KLHL1: variants seen among roughly 807,000 people sequenced by gnomAD.
KLHL1 encodes the protein kelch like family member 1.
KLHL1 carries 47 observed loss-of-function variants against 77.7 expected under a neutral mutation model. The ratio of observed to expected loss-of-function variants is 0.60; its 90% CI spans 0.48 to 0.77. The LOEUF (loss-of-function observed/expected upper bound fraction) is 0.77, where lower values mean the gene tolerates loss of function less well. Ranked by LOEUF, KLHL1 falls within the 30% of genes least tolerant of loss-of-function variation. The pLI, the probability that KLHL1 is intolerant of heterozygous loss-of-function variation, is 0.00. For synonymous variants in KLHL1, 360 were observed against 325.2 expected, an observed-to-expected ratio of 1.11 and a Z score of -1.15; for missense variants, 925 against 910.8, an observed-to-expected ratio of 1.02 and a Z score of -0.20.
chr13:70,030,402 C>T (rs2439661), intron 1 of KLHL1, among the ~76,000 whole-genome samples: 92,961 of 151,706 alleles, frequency 0.61, 29,975 homozygotes, highest in East Asian at 0.81. Flanking sequence ...TCTCTCAGAC[C>T]ACAGTGCAAT....
chr13:70,033,328 C>T lies in KLHL1; in HGVS notation c.498-57526G>A, dbSNP rs558044986. ...GTTTTGAGACAGAGTCTCTCTCTGTCGCCCAGGCTGGAGGGCAGTGGCGCG... is the reference window on the plus strand; with the variant it reads ...GTTTTGAGACAGAGTCTCTCTCTGTTGCCCAGGCTGGAGGGCAGTGGCGCG... On this transcript the variant is annotated intron_variant, in intron 1 of 10. Coordinates refer to ENST00000377844, the MANE Select transcript of KLHL1 (RefSeq NM_020866.3). Among the ~76,000 whole-genome samples, 10 of 151,998 alleles carry T rather than the reference C, an allele frequency of 6.6e-5. No individual in the cohort carries two copies. In the South Asian group the frequency reaches 1.5e-3, roughly 22 times the overall value.
intron 4 of KLHL1, among the ~76,000 whole-genome samples, chr13:69,926,944 C>A (rs9542118): frequency 3.9e-4 from 1 of 2,544 alleles, no homozygotes; most frequent in Non-Finnish European, 3.9e-3. Context: ...GAGACTCCAT[C>A]TCAAAAAAAA....
intron 7 of KLHL1, among the ~76,000 whole-genome samples, chr13:69,761,831 C>G (rs78274284): frequency 1.3e-5 from 2 of 152,090 alleles, no homozygotes; most frequent in African/African-American, 4.8e-5. Flanking sequence ...AAGTTCTGCA[C>G]TCAATGACTC....
chr13:69,782,888 C>A (rs994219879), intron 7 of KLHL1, among the ~76,000 whole-genome samples: 2 of 152,198 alleles, frequency 1.3e-5, no homozygotes, highest in Non-Finnish European at 2.9e-5. Flanking sequence ...GACCCCCGAG[C>A]AGCCTAACTG....
intron 7 of KLHL1, among the ~76,000 whole-genome samples, chr13:69,745,446 C>T (rs191252524): frequency 4.0e-4 from 61 of 151,980 alleles, no homozygotes; most frequent in African/African-American, 1.3e-3. Flanking sequence ...CACTGTGAGG[C>T]TTGCATTTTC....
chr13:70,033,104 A>C (rs1422812489), intron 1 of KLHL1, among the ~76,000 whole-genome samples: 1 of 152,150 alleles, frequency 6.6e-6, no homozygotes, highest in Non-Finnish European at 1.5e-5. Context: ...TGAAATAAAA[A>C]TTTCTTCTGA....
At chr13:70,098,582 T>C (rs1887847088) in intron 1 of KLHL1, among the ~76,000 whole-genome samples, 1 of 151,910 alleles carries the variant, frequency 6.6e-6, no homozygotes, top group Non-Finnish European at 1.5e-5. Flanking sequence ...GAAGTATGTT[T>C]CAAAAGTTCC....
intron 1 of KLHL1, among the ~76,000 whole-genome samples, chr13:70,097,686 G>C (rs1041556854): frequency 1.6e-4 from 25 of 151,800 alleles, no homozygotes; most frequent in African/African-American, 5.6e-4. Flanking sequence ...AAGTCTCACA[G>C]TCTATATGTA....
intron 5 of KLHL1, among the ~76,000 whole-genome samples, chr13:69,860,265 A>G (rs188060878): frequency 1.3e-5 from 2 of 152,194 alleles, no homozygotes; most frequent in East Asian, 3.9e-4. Context: ...AATGTTCAAA[A>G]AAGCAATTTC....
chr13:70,047,805 C>A (rs888273502), intron 1 of KLHL1, among the ~76,000 whole-genome samples: 8 of 152,262 alleles, frequency 5.3e-5, no homozygotes, highest in Admixed American at 2.0e-4. Flanking sequence ...CTACCTGCTT[C>A]TAAACTTTTA....
intron 2 of KLHL1, among the ~76,000 whole-genome samples, chr13:69,965,650 T>C (rs1362683847): frequency 1.3e-5 from 2 of 152,188 alleles, no homozygotes; most frequent in African/African-American, 4.8e-5. Flanking sequence ...GAAAGTGGAA[T>C]GAGAACAAAA....
intron 7 of KLHL1, among the ~76,000 whole-genome samples, chr13:69,775,728 T>A (rs889831989): frequency 5.3e-5 from 8 of 152,146 alleles, no homozygotes; most frequent in African/African-American, 1.9e-4. Context: ...TCGTGCTCTG[T>A]CACTAGGACT....
At chr13:69,978,717 A>C (rs9542144) in intron 1 of KLHL1, among the ~76,000 whole-genome samples, 151,184 of 152,178 alleles carry the variant, frequency 0.99, 75,111 homozygotes, top group East Asian at 1. Context: ...GAACTCCCGA[A>C]CTCAGGTGAT....
At chr13:69,802,279 G>C (rs753128593) in intron 6 of KLHL1, among the ~76,000 whole-genome samples, 2 of 152,040 alleles carry the variant, frequency 1.3e-5, no homozygotes, top group Non-Finnish European at 2.9e-5. Flanking sequence ...GTAAGTATTT[G>C]GGTTGGTTCC....
At chr13:69,849,518 T>C (rs1879602603) in intron 5 of KLHL1, among the ~76,000 whole-genome samples, 1 of 151,436 alleles carries the variant, frequency 6.6e-6, no homozygotes, top group African/African-American at 2.4e-5. Context: ...CTGTCCTTAA[T>C]GCCTTTTTCC....
At chr13:69,878,602 A>AT (rs1390820181) in intron 5 of KLHL1, among the ~76,000 whole-genome samples, 8 of 152,096 alleles carry the variant, frequency 5.3e-5, no homozygotes, top group Non-Finnish European at 1.2e-4. Flanking sequence ...AATAAGCAAT[A>AT]TATAATTATA....
intron 7 of KLHL1, among the ~76,000 whole-genome samples, chr13:69,743,566 C>T (rs933509231): frequency 2.0e-5 from 3 of 152,120 alleles, no homozygotes; most frequent in African/African-American, 7.2e-5. Flanking sequence ...GGGCAAATCA[C>T]TTGAGGCCAG....
intron 1 of KLHL1, among the ~76,000 whole-genome samples, chr13:70,063,404 A>G (rs142152542): frequency 2.0e-5 from 3 of 152,248 alleles, no homozygotes; most frequent in Non-Finnish European, 2.9e-5. Context: ...ACATTTAGTA[A>G]AACTTCATTG....
At chr13:69,784,297 T>A (rs1876394018) in intron 7 of KLHL1, among the ~76,000 whole-genome samples, 1 of 151,508 alleles carries the variant, frequency 6.6e-6, no homozygotes, top group Non-Finnish European at 1.5e-5. Flanking sequence ...AATAACCAGC[T>A]AACATCATAA....
Sources: gnomAD v4.1 joint callset for allele counts (sites outside exome capture counted in the v4.1 genomes callset) on GRCh38, gnomAD v4.1.1 for gene constraint, MANE v1.5 for transcripts, NCBI Gene and HGNC (gene_info 2026-07-23, HGNC 2026-07-21) for gene names.